FRMPD4: variants seen among roughly 807,000 people sequenced by gnomAD.
The protein encoded by FRMPD4 is FERM and PDZ domain-containing protein 4.
In FRMPD4, 22 loss-of-function variants were observed where a neutral mutation model predicts 94.1. The ratio of observed to expected loss-of-function variants is 0.23; its 90% confidence interval spans 0.17 to 0.33. The LOEUF is 0.33. FRMPD4 is among the 10% of genes least tolerant of loss of function. The pLI, the probability that FRMPD4 is intolerant of heterozygous loss-of-function variation, is 1.00. For missense variants in FRMPD4, 1,111 were observed against 1,339.9 expected (o/e 0.83, Z 2.67); for synonymous variants, 631 against 548.6 (o/e 1.15, Z -2.10).
At chrX:12,403,947 G>A (rs978444220) in intron 1 of FRMPD4, among the ~76,000 whole-genome samples, 2 of 111,690 alleles carry the variant, frequency 1.8e-5, no homozygotes, top group Non-Finnish European at 3.8e-5. Context: ...GCCTAATACT[G>A]TTTGTGCTGC....
At chrX:11,905,480 C>A (rs1355909513) in intron 3 of FRMPD4, among the ~76,000 whole-genome samples, 1 of 111,347 alleles carries the variant, frequency 9.0e-6, no homozygotes, top group Non-Finnish European at 1.9e-5. Flanking sequence ...GTTAATAATT[C>A]TATCCCTCAA....
intron 1 of FRMPD4, among the ~76,000 whole-genome samples, chrX:12,295,489 C>G (rs1309740710): frequency 8.9e-6 from 1 of 111,925 alleles, no homozygotes; most frequent in African/African-American, 3.2e-5. Context: ...AATGACATAA[C>G]CTCTGTAAGG....
At chrX:12,412,176 A>G (rs2056742083) in intron 1 of FRMPD4, among the ~76,000 whole-genome samples, 1 of 112,256 alleles carries the variant, frequency 8.9e-6, no homozygotes, top group Non-Finnish European at 1.9e-5. Flanking sequence ...AATAATTGGT[A>G]TTTAATGTGA....
intron 1 of FRMPD4, among the ~76,000 whole-genome samples, chrX:12,242,675 C>G (rs1182221896): frequency 8.9e-6 from 1 of 112,549 alleles, no homozygotes; most frequent in African/African-American, 3.2e-5. Flanking sequence ...TTGGATTGAC[C>G]TGTATGCAAA....
At chrX:11,979,817 A>G (rs2054387720) in intron 3 of FRMPD4, among the ~76,000 whole-genome samples, 1 of 111,298 alleles carries the variant, frequency 9.0e-6, no homozygotes, top group Admixed American at 9.6e-5. Flanking sequence ...TGTGGTCTAT[A>G]TATTTACTCT....
upstream of FRMPD4, among the ~76,000 whole-genome samples, chrX:12,136,392 G>T (rs771491125): frequency 2.4e-4 from 26 of 110,580 alleles, no homozygotes; most frequent in Non-Finnish European, 4.3e-4. Flanking sequence ...GGTGATAAAT[G>T]CTATGGAAAC....
At chrX:12,146,089 C>T (rs904568290) in intron 1 of FRMPD4, among the ~76,000 whole-genome samples, 15 of 108,879 alleles carry the variant, frequency 1.4e-4, no homozygotes, top group African/African-American at 3.3e-4. Flanking sequence ...TCGGGCTGGG[C>T]GCGGTGGCTC....
At chrX:11,874,104 T>C (rs971036019) in intron 2 of FRMPD4, among the ~76,000 whole-genome samples, 8 of 112,053 alleles carry the variant, frequency 7.1e-5, no homozygotes, top group African/African-American at 2.6e-4. Flanking sequence ...TGTGAACATA[T>C]AAATACCTTT....
rs761440415 is a variant in FRMPD4 at position 12,609,711 on chromosome X, T to G, written c.159-10T>G. The G allele has an allele frequency of 4.2e-6, 5 of 1,199,888 alleles. No individual in the cohort carries two copies. The highest frequency in any genetic ancestry group is 5.6e-6 in the Non-Finnish European group (5 of 885,725). On this transcript the variant is annotated splice_polypyrimidine_tract_variant and intron_variant, in intron 2 of 16. Coordinates refer to ENST00000675598, the MANE Select transcript of FRMPD4 (RefSeq NM_001368397.1). ...ATGCCTTGTTTCTCTTGTATGTGCT[T>G]TCTCCACAGTCACATGACACAGGCA... is the stretch of plus-strand genomic sequence containing the variant.
At chrX:11,890,413 C>T (rs1377102575) in intron 3 of FRMPD4, among the ~76,000 whole-genome samples, 2 of 111,785 alleles carry the variant, frequency 1.8e-5, no homozygotes, top group Non-Finnish European at 3.8e-5. Flanking sequence ...CGAGACTCTC[C>T]TGCTCTTTTT....
At chrX:12,019,802 C>A (rs1303951652) in intron 3 of FRMPD4, among the ~76,000 whole-genome samples, 1 of 111,211 alleles carries the variant, frequency 9.0e-6, no homozygotes, top group Non-Finnish European at 1.9e-5. Context: ...TGCCTTTGGC[C>A]CTTTCAGTTG....
intron 2 of FRMPD4, among the ~76,000 whole-genome samples, chrX:12,537,591 T>C (rs1488333071): frequency 9.4e-6 from 1 of 106,748 alleles, no homozygotes; most frequent in East Asian, 2.9e-4. Context: ...TATCTGGGAC[T>C]ACATGTGCAT....
At chrX:12,020,345 A>T (rs2054626154) in intron 3 of FRMPD4, among the ~76,000 whole-genome samples, 1 of 112,177 alleles carries the variant, frequency 8.9e-6, no homozygotes, top group African/African-American at 3.2e-5. Flanking sequence ...AGTGAAGTTT[A>T]TTTCTTGTTC....
intron 1 of FRMPD4, among the ~76,000 whole-genome samples, chrX:11,851,857 T>A (rs1304638958): frequency 9.2e-6 from 1 of 108,737 alleles, no homozygotes; most frequent in Non-Finnish European, 1.9e-5. Flanking sequence ...TTTGGTATGA[T>A]GACAGTAGAA....
chrX:11,900,395 A>T (rs2053929527), intron 3 of FRMPD4, among the ~76,000 whole-genome samples: 1 of 111,458 alleles, frequency 9.0e-6, no homozygotes, highest in Non-Finnish European at 1.9e-5. Flanking sequence ...GACTCTTGGG[A>T]GAATGTATGG....
rs954245730 is a variant in FRMPD4 at position 12,187,680 on chromosome X, G to A, written c.41+48668G>A. Among the ~76,000 whole-genome samples, 6 of 110,804 alleles carry A rather than the reference G, an allele frequency of 5.4e-5. No homozygotes were observed. In the Admixed American group the frequency reaches 5.8e-4, roughly 11 times the overall value. ...ATAGTAGGAATATTGTGTAAGTATTGTTCTGTATAAGAATTTGGTGAAATT... is the reference window on the plus strand; with the variant it reads ...ATAGTAGGAATATTGTGTAAGTATTATTCTGTATAAGAATTTGGTGAAATT... On this transcript the variant is annotated intron_variant, in intron 1 of 16. Coordinates refer to ENST00000675598, the MANE Select transcript of FRMPD4 (RefSeq NM_001368397.1).
intron 1 of FRMPD4, among the ~76,000 whole-genome samples, chrX:11,862,349 G>C (rs2053692117): frequency 9.0e-6 from 1 of 111,179 alleles, no homozygotes; most frequent in Admixed American, 9.6e-5. Flanking sequence ...GGTACCAAAG[G>C]GGTATTTAGG....
At chrX:12,494,909 C>T (rs1269967921) in intron 1 of FRMPD4, 2 of 198,016 alleles carry the variant, frequency 1.0e-5, no homozygotes, top group Non-Finnish European at 7.6e-6. Flanking sequence ...CAATGTAGGT[C>T]GCTATTTTTA....
At chrX:12,427,582 G>C (rs1438992203) in intron 1 of FRMPD4, among the ~76,000 whole-genome samples, 1 of 111,728 alleles carries the variant, frequency 9.0e-6, no homozygotes, top group Non-Finnish European at 1.9e-5. Flanking sequence ...CTGGGATGAT[G>C]TGAGCCTTTG....
Sources: gnomAD v4.1 joint callset for allele counts (sites outside exome capture counted in the v4.1 genomes callset) on GRCh38, gnomAD v4.1.1 for gene constraint, MANE v1.5 for transcripts, NCBI Gene and HGNC (gene_info 2026-07-23, HGNC 2026-07-21) for gene names.